Variants in HDDC2 observed in about 807,000 individuals in gnomAD.
HDDC2 encodes the protein 5'-deoxynucleotidase HDDC2.
Under a neutral mutation model 25.5 loss-of-function variants are expected in HDDC2, and 25 were observed. The observed-to-expected ratio is 0.98, with a 90% CI of 0.72 to 1.37. The LOEUF is 1.37. Ranked by LOEUF, HDDC2 falls within the 40% of genes most tolerant of loss-of-function variation. The probability of loss-of-function intolerance (pLI) is 0.00; values close to 1 mark genes in which losing one functional copy is unlikely to be tolerated. For missense variants in HDDC2, 264 were observed against 253.1 expected (o/e 1.04, Z -0.29); for synonymous variants, 106 against 89.7 (o/e 1.18, Z -1.03).
In HDDC2 at chr6:125,284,638, G is replaced by A. The variant is rs150088641; in HGVS notation, c.379-7398C>T. Among the ~76,000 whole-genome samples the A allele has an allele frequency of 7.0e-3, 1,069 of 152,290 alleles. 14 individuals carry two copies. Among genetic ancestry groups the A allele is most frequent in the African/African-American group, 0.025 (1,022 of 41,554 alleles). ...GATACCATCTCACGCCAGTTAGAAT[G>A]GCAATCATTAAAAAGTCAGGAAACA... On this transcript the variant is annotated intron_variant, in intron 4 of 5. Transcript: ENST00000398153.
chr6:125,276,099 T>G lies in HDDC2; in HGVS notation c.*47A>C. 1.5e-6 allele frequency: 2 copies of G among 1,326,602 alleles called. No homozygotes were observed. Among genetic ancestry groups the G allele is most frequent in the Non-Finnish European group, 2.2e-6 (2 of 923,508 alleles). The allele number at this position is 1,326,602 out of a possible 1,614,324, so 82.2% of individuals were successfully genotyped here. A position where few individuals can be genotyped will look rare whatever the true frequency, so the allele number is the denominator to read the frequency against. Reference sequence around the variant, plus strand: ...AATGGCAAAACACAATACAATGAAATGGAAAAATAATGTTTGTTACAGGAG... The same window carrying G: ...AATGGCAAAACACAATACAATGAAAGGGAAAAATAATGTTTGTTACAGGAG... On this transcript the variant is annotated 3_prime_UTR_variant, in exon 6 of 6. Transcript: ENST00000398153.
At chr6:125,297,396 T>C (rs796821725) in intron 3 of HDDC2, 1 of 392,038 alleles carries the variant, frequency 2.6e-6, no homozygotes, top group Non-Finnish European at 4.5e-6. Flanking sequence ...GAAGAACACA[T>C]TCCTTATACT....
chr6:125,301,442 TACAC>T (rs3039619), intron 1 of HDDC2, among the ~76,000 whole-genome samples: 22 of 145,184 alleles, frequency 1.5e-4, no homozygotes, highest in East Asian at 1.0e-3. Flanking sequence ...AGCCGCGCTT[TACAC>T]ACACACACAC....
At chr6:125,288,071 T>C (rs3778451) in intron 4 of HDDC2, among the ~76,000 whole-genome samples, 30,257 of 152,056 alleles carry the variant, frequency 0.2, 4,103 homozygotes, top group African/African-American at 0.35. Context: ...AGTAGGGAAA[T>C]GTGGCATTCA....
chr6:125,296,180 C>T (rs1230225450), intron 3 of HDDC2, among the ~76,000 whole-genome samples: 1 of 151,856 alleles, frequency 6.6e-6, no homozygotes. Context: ...ATTTACATAG[C>T]ATTTGCATTA....
At chr6:125,277,074 G>T in intron 5 of HDDC2, 28 bp downstream of exon 5, 1 of 1,612,502 alleles carries the variant, frequency 6.2e-7, no homozygotes, top group Non-Finnish European at 8.5e-7. Context: ...AACTAAAATG[G>T]ACTCTTGTTG....
At chr6:125,280,198 G>A (rs1169719054) in intron 4 of HDDC2, among the ~76,000 whole-genome samples, 3 of 152,216 alleles carry the variant, frequency 2.0e-5, no homozygotes, top group African/African-American at 7.2e-5. Context: ...GAGGAAGGGT[G>A]CATTCCGGCC....
chr6:125,295,331 G>A (rs1366657179), intron 3 of HDDC2, among the ~76,000 whole-genome samples: 1 of 152,230 alleles, frequency 6.6e-6, no homozygotes, highest in Non-Finnish European at 1.5e-5. Flanking sequence ...TTTGTGACAA[G>A]TAACTGGAAG....
intron 4 of HDDC2, among the ~76,000 whole-genome samples, chr6:125,288,867 T>A (rs1798584864): frequency 7.7e-6 from 1 of 129,710 alleles, no homozygotes; most frequent in South Asian, 2.4e-4. Flanking sequence ...ATAGGAACAC[T>A]TTTACACTGT....
chr6:125,300,393 C>T (rs559427634), intron 2 of HDDC2, 145 bp downstream of exon 2: 8 of 991,548 alleles, frequency 8.1e-6, no homozygotes, highest in Non-Finnish European at 1.1e-5. Context: ...TAACCCACAT[C>T]CTAAATTTGT....
chr6:125,299,944 A>G (rs767047726), intron 2 of HDDC2, among the ~76,000 whole-genome samples: 12 of 152,192 alleles, frequency 7.9e-5, no homozygotes, highest in Non-Finnish European at 1.8e-4. Flanking sequence ...AGATCAACCA[A>G]GAACAGGTGA....
intron 3 of HDDC2, 46 bp from the exon 4 acceptor site, chr6:125,292,955 A>C: frequency 7.1e-7 from 1 of 1,409,202 alleles, no homozygotes; most frequent in Non-Finnish European, 1.0e-6. Context: ...CATTTATCAC[A>C]GTTAACAACC....
At chr6:125,282,503 C>G (rs1798473699) in intron 4 of HDDC2, among the ~76,000 whole-genome samples, 1 of 152,190 alleles carries the variant, frequency 6.6e-6, no homozygotes, top group African/African-American at 2.4e-5. Flanking sequence ...CTTACAAGAG[C>G]TCCTGAAGGA....
At chr6:125,292,588 A>C (rs1325506031) in intron 4 of HDDC2, among the ~76,000 whole-genome samples, 1 of 152,148 alleles carries the variant, frequency 6.6e-6, no homozygotes, top group Non-Finnish European at 1.5e-5. Context: ...GTGTGGGCAA[A>C]GCAGCAAGAA....
At chr6:125,282,444 C>A (rs1195275174) in intron 4 of HDDC2, among the ~76,000 whole-genome samples, 1 of 152,152 alleles carries the variant, frequency 6.6e-6, no homozygotes, top group African/African-American at 2.4e-5. Flanking sequence ...GAAATAAAAT[C>A]TTTTACATAG....
At chr6:125,282,313 T>C (rs1394876922) in intron 4 of HDDC2, among the ~76,000 whole-genome samples, 2 of 143,308 alleles carry the variant, frequency 1.4e-5, no homozygotes, top group East Asian at 4.1e-4. Context: ...GCCATTGCAC[T>C]CCAGCCCAGG....
intron 3 of HDDC2, among the ~76,000 whole-genome samples, chr6:125,295,664 C>T (rs1423385992): frequency 3.9e-5 from 6 of 152,152 alleles, no homozygotes; most frequent in Non-Finnish European, 8.8e-5. Flanking sequence ...TTTTCTCCTT[C>T]TTGTCATACT....
intron 4 of HDDC2, among the ~76,000 whole-genome samples, chr6:125,282,630 G>C (rs1195806384): frequency 1.3e-5 from 2 of 152,158 alleles, no homozygotes; most frequent in Admixed American, 6.5e-5. Context: ...TGACCAGCTA[G>C]CATCATAATG....
At chr6:125,283,330 A>G (rs1798487227) in intron 4 of HDDC2, among the ~76,000 whole-genome samples, 1 of 152,234 alleles carries the variant, frequency 6.6e-6, no homozygotes, top group South Asian at 2.1e-4. Context: ...ATCAGGCAAG[A>G]GAAAGAAATA....
Sources: gnomAD v4.1 joint callset for allele counts (sites outside exome capture counted in the v4.1 genomes callset) on GRCh38, gnomAD v4.1.1 for gene constraint, MANE v1.5 for transcripts, NCBI Gene and HGNC (gene_info 2026-07-23, HGNC 2026-07-21) for gene names.